Variants in SLC35H1 observed in about 807,000 individuals in gnomAD.
SLC35H1 encodes the protein ovarian cancer-overexpressed gene 1 protein.
chr20:46,349,273 A>C, the SLC35H1 span: 1 of 152,380 alleles, frequency 6.6e-6, no homozygotes, highest in East Asian at 1.9e-4. Context: ...AGTCCACAGC[A>C]CATCAGAGCT....
the SLC35H1 span, chr20:46,355,131 C>G: frequency 6.2e-7 from 1 of 1,614,138 alleles, no homozygotes; most frequent in Admixed American, 1.7e-5. The surrounding 1 kb of genome is among the most constrained non-coding windows in gnomAD (Gnocchi z 4.8). Context: ...CACCGATGAA[C>G]GAGGCCCCCA....
the SLC35H1 span, among the ~76,000 whole-genome samples, chr20:46,358,102 A>T: frequency 2.0e-5 from 3 of 152,184 alleles, no homozygotes; most frequent in Admixed American, 6.5e-5. Context: ...TCACTTATTA[A>T]AATATTGAAA....
the SLC35H1 span, chr20:46,354,943 G>A: frequency 1.2e-6 from 2 of 1,613,812 alleles, no homozygotes; most frequent in African/African-American, 1.3e-5. Context: ...GGTGGAACAT[G>A]GTGTCGATGG....
At chr20:46,348,267 C>G in the SLC35H1 span, 1 of 152,194 alleles carries the variant, frequency 6.6e-6, no homozygotes, top group Non-Finnish European at 1.5e-5. Flanking sequence ...GAGGTAAGGG[C>G]CCCCGCTCTG....
chr20:46,360,566 C>T, the SLC35H1 span, among the ~76,000 whole-genome samples: 34 of 150,770 alleles, frequency 2.3e-4, no homozygotes, highest in African/African-American at 7.5e-4. Flanking sequence ...TTTTTTGAGA[C>T]GAAGTTTCGC....
At chr20:46,360,574 C>T in the SLC35H1 span, among the ~76,000 whole-genome samples, 6 of 151,564 alleles carry the variant, frequency 4.0e-5, no homozygotes, top group East Asian at 1.9e-4. Flanking sequence ...GACGAAGTTT[C>T]GCTCCTGTTG....
the SLC35H1 span, chr20:46,363,120 A>T: frequency 6.6e-6 from 1 of 152,114 alleles, no homozygotes; most frequent in Non-Finnish European, 1.5e-5. Flanking sequence ...TCCTAGAAAA[A>T]ACCTTCTCTT....
the SLC35H1 span, among the ~76,000 whole-genome samples, chr20:46,358,165 C>T: frequency 0.1 from 15,145 of 152,198 alleles, 1,024 homozygotes; most frequent in East Asian, 0.19. Flanking sequence ...TTCCCCAGCT[C>T]ATCCCTTCAC....
At chr20:46,358,176 A>AC in the SLC35H1 span, among the ~76,000 whole-genome samples, 1 of 150,670 alleles carries the variant, frequency 6.6e-6, no homozygotes, top group East Asian at 1.9e-4. Flanking sequence ...ATCCCTTCAC[A>AC]CCCCCCGCTC....
chr20:46,347,255 C>G, the SLC35H1 span: 1 of 152,238 alleles, frequency 6.6e-6, no homozygotes, highest in Non-Finnish European at 1.5e-5. Context: ...GTATCCTTAG[C>G]CATCGTTATG....
chr20:46,358,480 G>C, the SLC35H1 span: 1 of 1,614,222 alleles, frequency 6.2e-7, no homozygotes, highest in African/African-American at 1.3e-5. Flanking sequence ...TCCACAAAAA[G>C]GCCACATCGA....
At chr20:46,358,312 A>C in the SLC35H1 span, 1 of 1,357,332 alleles carries the variant, frequency 7.4e-7, no homozygotes, top group Non-Finnish European at 1.1e-6. Flanking sequence ...CTTCCTGTTA[A>C]ACATGAAGGG....
At chr20:46,360,689 C>G in the SLC35H1 span, among the ~76,000 whole-genome samples, 1 of 152,092 alleles carries the variant, frequency 6.6e-6, no homozygotes, top group Non-Finnish European at 1.5e-5. Context: ...GGACTGATTA[C>G]AGGCATGCAC....
chr20:46,355,491 A>G, the SLC35H1 span: 1 of 623,314 alleles, frequency 1.6e-6, no homozygotes, highest in Non-Finnish European at 2.8e-6. This position sits in a 1 kb window ranked among gnomAD's most constrained non-coding sequence, Gnocchi z 4.8. Flanking sequence ...TAGGCCCCCA[A>G]GTGGTCCCAC....
chr20:46,352,700 GGAT>G, the SLC35H1 span: 1 of 160,382 alleles, frequency 6.2e-6, no homozygotes, highest in Admixed American at 6.0e-5. Context: ...GATCCTAGTG[GGAT>G]GATGATGGGA....
the SLC35H1 span, chr20:46,355,782 AAG>A: frequency 2.9e-5 from 47 of 1,613,908 alleles, no homozygotes; most frequent in Non-Finnish European, 3.8e-5. This position sits in a 1 kb window ranked among gnomAD's most constrained non-coding sequence, Gnocchi z 4.8. Context: ...GGAAGGACAC[AAG>A]AGACGCTGGG....
At chr20:46,358,694 A>AGGGGCTG in the SLC35H1 span, 1 of 1,551,016 alleles carries the variant, frequency 6.4e-7, no homozygotes, top group Non-Finnish European at 8.7e-7. Flanking sequence ...TCCTCACCTA[A>AGGGGCTG]GGGGCTGGTG....
the SLC35H1 span, among the ~76,000 whole-genome samples, chr20:46,357,202 T>C: frequency 1.1e-4 from 16 of 152,222 alleles, no homozygotes; most frequent in African/African-American, 2.9e-4. Flanking sequence ...GCACCTGGCC[T>C]AGGAAATCTT....
chr20:46,351,039 G>C, the SLC35H1 span: 1 of 1,060,258 alleles, frequency 9.4e-7, no homozygotes, highest in Non-Finnish European at 1.4e-6. Context: ...GAGAGGTCAG[G>C]GGACCCGGCC....
Sources: gnomAD v4.1 joint callset for allele counts (sites outside exome capture counted in the v4.1 genomes callset) on GRCh38, gnomAD v4.1.1 for gene constraint, Gnocchi (gnomAD v3.1) non-coding constraint, MANE v1.5 for transcripts, NCBI Gene and HGNC (gene_info 2026-07-23, HGNC 2026-07-21) for gene names.